SGPP1: variants seen among roughly 807,000 people sequenced by gnomAD.
SGPP1 encodes the protein hSPP1.
SGPP1 carries 21 observed loss-of-function variants against 33.0 expected under a neutral mutation model. The ratio of observed to expected loss-of-function variants is 0.64; its 90% CI spans 0.45 to 0.92. The LOEUF (loss-of-function observed/expected upper bound fraction) is 0.92, where lower values mean the gene tolerates loss of function less well. Ranked by LOEUF, SGPP1 falls within the 40% of genes least tolerant of loss-of-function variation. The pLI, the probability that SGPP1 is intolerant of heterozygous loss-of-function variation, is 0.00. For missense variants in SGPP1, 543 were observed against 589.4 expected, an observed-to-expected ratio of 0.92 and a Z score of 0.81; for synonymous variants, 239 against 241.2, an observed-to-expected ratio of 0.99 and a Z score of 0.08.
chr14:63,698,253 G>A (rs1885227510), intron 2 of SGPP1, among the ~76,000 whole-genome samples: 1 of 152,162 alleles, frequency 6.6e-6, no homozygotes, highest in Admixed American at 6.5e-5. Context: ...CCACATTGCT[G>A]GTTTTGACTC....
chr14:63,701,461 T>C (rs1272144583), intron 1 of SGPP1, among the ~76,000 whole-genome samples: 1 of 151,948 alleles, frequency 6.6e-6, no homozygotes, highest in Non-Finnish European at 1.5e-5. Context: ...TATTGAGAAG[T>C]TGAGATTTGA....
intron 1 of SGPP1, among the ~76,000 whole-genome samples, chr14:63,721,532 G>C (rs115338480): frequency 6.6e-6 from 1 of 151,858 alleles, no homozygotes; most frequent in African/African-American, 2.4e-5. Flanking sequence ...CCATAAAAAA[G>C]AGGCAAGCCA....
intron 1 of SGPP1, among the ~76,000 whole-genome samples, chr14:63,720,055 G>C (rs777632770): frequency 1.3e-5 from 2 of 151,416 alleles, no homozygotes. Flanking sequence ...GAACCCAGGA[G>C]GGGGAGGTTG....
chr14:63,708,867 T>C (rs1440179164), intron 1 of SGPP1, among the ~76,000 whole-genome samples: 1 of 152,184 alleles, frequency 6.6e-6, no homozygotes, highest in African/African-American at 2.4e-5. Flanking sequence ...AGGTTATGGA[T>C]CTGTGATTCA....
In SGPP1 at chr14:63,685,628, C is replaced by T. The variant is rs1595059188; in HGVS notation, c.*477G>A. On this transcript the variant is annotated 3_prime_UTR_variant, in exon 3 of 3. Coordinates refer to ENST00000247225, the MANE Select transcript of SGPP1 (RefSeq NM_030791.4). The stretch of plus-strand genomic sequence containing the variant: ...ATTACGCAATTCAATTAGGAAATGG[C>T]TCCCATAGTAAATAAATGTTAAATA... 6.6e-6 allele frequency: 1 copy of T among 152,112 alleles called. No individual in the cohort carries two copies. The highest frequency in any genetic ancestry group is 2.1e-4 in the South Asian group (1 of 4,820). 9.4% of individuals were successfully genotyped at this position (152,112 alleles called of 1,614,324 possible). A position where few individuals can be genotyped will look rare whatever the true frequency, so the allele number is the denominator to read the frequency against.
At chr14:63,697,918 T>A (rs114879888) in intron 2 of SGPP1, among the ~76,000 whole-genome samples, 1,694 of 152,278 alleles carry the variant, frequency 0.011, 34 homozygotes, top group African/African-American at 0.038. Context: ...AAACTGGAAG[T>A]TGGCTACTAA....
Position 63,728,026 on chromosome 14 carries a change from A to G in SGPP1, c.-82T>C. The G allele has an allele frequency of 7.1e-7, 1 of 1,401,628 alleles. No individual in the cohort carries two copies. The highest frequency in any genetic ancestry group is 9.3e-7 in the Non-Finnish European group (1 of 1,076,582). 86.8% of individuals were successfully genotyped at this position (1,401,628 alleles called of 1,614,324 possible). A position where few individuals can be genotyped will look rare whatever the true frequency, so the allele number is the denominator to read the frequency against. ...CGCGCTCCTGGCCAGCGGCAGCGGA[A>G]CCGGCACAGCGCTCTACCCTCCGGA... is the stretch of plus-strand genomic sequence containing the variant. On this transcript the variant is annotated 5_prime_UTR_variant, in exon 1 of 3. Transcript: ENST00000247225.
At chr14:63,694,945 T>C (rs192308133) in intron 2 of SGPP1, among the ~76,000 whole-genome samples, 1 of 152,314 alleles carries the variant, frequency 6.6e-6, no homozygotes. Flanking sequence ...AGGTATTAAA[T>C]TTGAAAATTT....
Position 63,686,008 on chromosome 14 carries a change from C to A in SGPP1, c.*97G>T, listed in dbSNP as rs1884963970. ...TTAAATAATTATTTAAGTTAAATTC[C>A]TGCAAAAGCCTAATTCTGACCTGGC... is the stretch of plus-strand genomic sequence containing the variant. On this transcript the variant is annotated 3_prime_UTR_variant, in exon 3 of 3. Coordinates refer to ENST00000247225, the MANE Select transcript of SGPP1 (RefSeq NM_030791.4). 1.5e-6 allele frequency: 1 copy of A among 667,278 alleles called. No homozygotes were observed. Among genetic ancestry groups the A allele is most frequent in the Non-Finnish European group, 2.4e-6 (1 of 414,966 alleles). The allele number at this position is 667,278 out of a possible 1,614,324, so 41.3% of individuals were successfully genotyped here.
At chr14:63,692,469 G>A (rs1298863134) in intron 2 of SGPP1, among the ~76,000 whole-genome samples, 2 of 150,312 alleles carry the variant, frequency 1.3e-5, no homozygotes, top group Admixed American at 6.6e-5. Context: ...TTTTTTTTTG[G>A]AGACAGGTCT....
chr14:63,698,165 C>T (rs1057381967), intron 2 of SGPP1, among the ~76,000 whole-genome samples: 1 of 152,072 alleles, frequency 6.6e-6, no homozygotes, highest in African/African-American at 2.4e-5. Context: ...ACAAATGGCC[C>T]CTGGAAAGTT....
At chr14:63,691,152 T>TAA (rs1205277659) in intron 2 of SGPP1, among the ~76,000 whole-genome samples, 1 of 152,262 alleles carries the variant, frequency 6.6e-6, no homozygotes, top group Non-Finnish European at 1.5e-5. Flanking sequence ...ATTCCTTTTA[T>TAA]AACAGGTCAA....
At chr14:63,711,541 T>C (rs866361493) in intron 1 of SGPP1, among the ~76,000 whole-genome samples, 1 of 152,134 alleles carries the variant, frequency 6.6e-6, no homozygotes, top group Admixed American at 6.6e-5. Flanking sequence ...GTAGCTCAAG[T>C]CTGAAACCAT....
Position 63,728,040 on chromosome 14 carries a change from C to G in SGPP1, c.-96G>C, listed in dbSNP as rs1885930749. ...GCGGCAGCGGAACCGGCACAGCGCT[C>G]TACCCTCCGGAGTCTGCCGGGTGAC... On this transcript the variant is annotated 5_prime_UTR_variant, in exon 1 of 3. Coordinates refer to ENST00000247225, the MANE Select transcript of SGPP1 (RefSeq NM_030791.4). 1 of 1,307,720 alleles carries G rather than the reference C, an allele frequency of 7.6e-7. No individual in the cohort carries two copies. Among genetic ancestry groups the G allele is most frequent in the Non-Finnish European group, 9.8e-7 (1 of 1,018,690 alleles). The allele number at this position is 1,307,720 out of a possible 1,614,324, so 81.0% of individuals were successfully genotyped here.
intron 1 of SGPP1, among the ~76,000 whole-genome samples, chr14:63,707,512 T>A (rs570740647): frequency 1.5e-3 from 227 of 152,080 alleles, no homozygotes; most frequent in Non-Finnish European, 2.9e-3. Flanking sequence ...TCCAAGTCAT[T>A]AGTACTTCTT....
chr14:63,685,952 T>C lies in SGPP1; in HGVS notation c.*153A>G, dbSNP rs573676231. The C allele has an allele frequency of 2.5e-5, 13 of 520,056 alleles. No individual in the cohort carries two copies. Among genetic ancestry groups the C allele is most frequent in the Middle Eastern group, 5.0e-4 (1 of 2,004 alleles). 32.2% of individuals were successfully genotyped at this position (520,056 alleles called of 1,614,324 possible). A position where few individuals can be genotyped will look rare whatever the true frequency, so the allele number is the denominator to read the frequency against. On this transcript the variant is annotated 3_prime_UTR_variant, in exon 3 of 3. Transcript: ENST00000247225. The stretch of plus-strand genomic sequence containing the variant: ...CCTAAAACAGTATCTGGATGTGCAA[T>C]GATAAAATGCACTGACTCTTATGAA...
intron 2 of SGPP1, among the ~76,000 whole-genome samples, chr14:63,690,966 T>C (rs1292371052): frequency 6.6e-6 from 1 of 152,100 alleles, no homozygotes; most frequent in Non-Finnish European, 1.5e-5. Context: ...CTGTCCACCT[T>C]GGCCTCCCAA....
intron 1 of SGPP1, among the ~76,000 whole-genome samples, chr14:63,703,689 T>C (rs1374213249): frequency 7.0e-6 from 1 of 143,430 alleles, no homozygotes; most frequent in Non-Finnish European, 1.5e-5. Flanking sequence ...ACCTAATTAA[T>C]GAAAAGATAT....
intron 2 of SGPP1, 113 bp from the exon 3 acceptor site, chr14:63,686,769 T>C (rs1354629593): frequency 3.9e-6 from 3 of 764,748 alleles, no homozygotes; most frequent in South Asian, 4.4e-5. Context: ...TTTTTTAAAG[T>C]TGTCAAATTC....
Sources: allele counts gnomAD v4.1 joint callset (sites outside exome capture counted in the v4.1 genomes callset), GRCh38; gene constraint gnomAD v4.1.1; transcripts MANE v1.5; gene names NCBI Gene and HGNC (gene_info 2026-07-23, HGNC 2026-07-21).